Variants in PTPRD observed in about 807,000 individuals in gnomAD.
PTPRD encodes receptor-type tyrosine-protein phosphatase delta.
PTPRD carries 34 observed loss-of-function variants against 214.5 expected under a neutral mutation model. That is an observed-to-expected ratio of 0.16 (90% CI 0.12 to 0.21). The LOEUF is 0.21. Among genes scored for constraint, PTPRD ranks in the 10% least tolerant of loss-of-function variants. PTPRD has a pLI of 1.00. For synonymous variants in PTPRD, 1,128 were observed against 845.7 expected (o/e 1.33, Z -5.79); for missense variants, 2,545 against 2,398.7 (o/e 1.06, Z -1.27).
At chr9:8,675,928 C>T (rs1276891590) in intron 12 of PTPRD, among the ~76,000 whole-genome samples, 1 of 152,160 alleles carries the variant, frequency 6.6e-6, no homozygotes, top group African/African-American at 2.4e-5. Context: ...TGACATACTG[C>T]AATGTGCTCC....
At chr9:9,284,963 G>A (rs1948893393) in intron 9 of PTPRD, among the ~76,000 whole-genome samples, 1 of 151,736 alleles carries the variant, frequency 6.6e-6, no homozygotes, top group South Asian at 2.1e-4. Context: ...ACAATGTCAA[G>A]CTAACATAGA....
At chr9:9,935,980 G>T (rs1277437908) in intron 5 of PTPRD, among the ~76,000 whole-genome samples, 1 of 151,152 alleles carries the variant, frequency 6.6e-6, no homozygotes, top group African/African-American at 2.5e-5. Context: ...AATGGGGAAA[G>T]GATTCCCTAT....
chr9:10,604,321 T>C (rs2133493662), intron 2 of PTPRD, among the ~76,000 whole-genome samples: 1 of 151,976 alleles, frequency 6.6e-6, no homozygotes, highest in East Asian at 1.9e-4. Context: ...TCAGAATATC[T>C]CTCAGAATGC....
chr9:9,312,323 T>C (rs1240656823), intron 9 of PTPRD, among the ~76,000 whole-genome samples: 5 of 152,172 alleles, frequency 3.3e-5, no homozygotes, highest in Admixed American at 6.5e-5. Context: ...ACGCATAAGA[T>C]TAAGAAAATT....
intron 7 of PTPRD, among the ~76,000 whole-genome samples, chr9:9,614,708 A>T (rs2094747137): frequency 6.6e-6 from 1 of 152,200 alleles, no homozygotes; most frequent in African/African-American, 2.4e-5. Context: ...TTCATATTTA[A>T]ATTATGAACT....
At chr9:9,089,900 A>T (rs1386622169) in intron 10 of PTPRD, among the ~76,000 whole-genome samples, 1 of 152,128 alleles carries the variant, frequency 6.6e-6, no homozygotes, top group Non-Finnish European at 1.5e-5. Flanking sequence ...ATGAAAAGAG[A>T]CAAGTTTATT....
chr9:10,149,669 A>G (rs892766019), intron 3 of PTPRD, among the ~76,000 whole-genome samples: 2 of 151,896 alleles, frequency 1.3e-5, no homozygotes, highest in Non-Finnish European at 2.9e-5. Context: ...CTCATTATTG[A>G]TTATCTATAA....
chr9:9,966,018 A>G (rs2094670889), intron 4 of PTPRD, among the ~76,000 whole-genome samples: 2 of 152,110 alleles, frequency 1.3e-5, no homozygotes, highest in African/African-American at 2.4e-5. Context: ...TTTTTATATT[A>G]CTTATTTGAG....
At chr9:8,384,440 C>T (rs957466909) in intron 37 of PTPRD, among the ~76,000 whole-genome samples, 4 of 152,180 alleles carry the variant, frequency 2.6e-5, no homozygotes, top group Non-Finnish European at 4.4e-5. Context: ...TCATATTACA[C>T]AGTACATTCT....
At chr9:10,308,388 T>C (rs2096156124) in intron 3 of PTPRD, among the ~76,000 whole-genome samples, 1 of 152,072 alleles carries the variant, frequency 6.6e-6, no homozygotes, top group Admixed American at 6.6e-5. Context: ...ATAAATTTAA[T>C]TCTTGGTTAT....
In PTPRD at chr9:9,970,291, G is replaced by A. The variant is rs200159478; in HGVS notation, c.-471-31681C>T. ...CGGTGAAACCCCATCTCTACTAAAA[G>A]TACAAAACATTAGCCGGGCGTGGTG... On this transcript the variant is annotated intron_variant, in intron 4 of 45. Coordinates refer to ENST00000381196, the MANE Select transcript of PTPRD (RefSeq NM_002839.4). Among the ~76,000 whole-genome samples, 245 of 151,702 alleles carry A rather than the reference G, an allele frequency of 1.6e-3. 4 individuals are homozygous for A. The East Asian group carries it at 0.038, about 23-fold the overall frequency.
In PTPRD at chr9:10,054,515, C is replaced by T. The variant is rs138997975; in HGVS notation, c.-544-20725G>A. 2.7e-3 allele frequency among the ~76,000 whole-genome samples: 406 copies of T among 152,226 alleles called. 1 individual carries two copies. The highest frequency in any genetic ancestry group is 9.0e-3 in the African/African-American group (374 of 41,550). On this transcript the variant is annotated intron_variant, in intron 3 of 45. Transcript: ENST00000381196. The stretch of plus-strand genomic sequence containing the variant: ...TTCTTAGAGCACTTACTTTAGAAAA[C>T]TTGTAATTGTAAATCCTTTCCTGGA...
intron 2 of PTPRD, among the ~76,000 whole-genome samples, chr9:10,488,334 T>C (rs2099146572): frequency 7.5e-6 from 1 of 133,356 alleles, no homozygotes; most frequent in Admixed American, 8.7e-5. Context: ...ACCACTGCAC[T>C]CCAGCCTGGG....
At chr9:8,782,640 C>T (rs1422343277) in intron 11 of PTPRD, among the ~76,000 whole-genome samples, 6 of 148,954 alleles carry the variant, frequency 4.0e-5, no homozygotes, top group African/African-American at 1.0e-4. Flanking sequence ...CCCCGTTGCC[C>T]AGGCTGAAGT....
chr9:10,125,394 A>C (rs2098808558), intron 3 of PTPRD, among the ~76,000 whole-genome samples: 2 of 145,530 alleles, frequency 1.4e-5, no homozygotes, highest in African/African-American at 2.5e-5. Context: ...CTTCTTTTTT[A>C]TTTTTTATTT....
intron 8 of PTPRD, among the ~76,000 whole-genome samples, chr9:9,463,416 G>T (rs7870043): frequency 0.029 from 4,394 of 152,100 alleles, 195 homozygotes; most frequent in African/African-American, 0.099. Flanking sequence ...TTTGGAGAGA[G>T]CTCCAGAGAG....
chr9:9,675,278 GT>G lies in PTPRD; in HGVS notation c.-287+59254del, dbSNP rs1210549606. Among the ~76,000 whole-genome samples the G allele has an allele frequency of 3.3e-5, 5 of 151,862 alleles. No homozygotes were observed. In the East Asian group the frequency reaches 9.7e-4, roughly 29 times the overall value. On this transcript the variant is annotated intron_variant, in intron 7 of 45. Coordinates refer to ENST00000381196, the MANE Select transcript of PTPRD (RefSeq NM_002839.4). ...GTTTGTATCAAAATCTGTAGATGCAGTAAAAGGACTTTCAGAGTAATATATA... is the reference window on the plus strand; with the variant it reads ...GTTTGTATCAAAATCTGTAGATGCAGAAAAGGACTTTCAGAGTAATATATA...
At chr9:10,047,342 G>C (rs1429698945) in intron 3 of PTPRD, among the ~76,000 whole-genome samples, 1 of 150,448 alleles carries the variant, frequency 6.6e-6, no homozygotes, top group Non-Finnish European at 1.5e-5. Flanking sequence ...GTGTGTGCGT[G>C]TGTGTGTGTG....
chr9:8,681,851 C>A (rs2097556175), intron 12 of PTPRD, among the ~76,000 whole-genome samples: 1 of 152,196 alleles, frequency 6.6e-6, no homozygotes, highest in Admixed American at 6.5e-5. Context: ...CCCTTCCCCA[C>A]TTAAAATACA....
Sources: allele counts gnomAD v4.1 joint callset (sites outside exome capture counted in the v4.1 genomes callset), GRCh38; gene constraint gnomAD v4.1.1; transcripts MANE v1.5; gene names NCBI Gene and HGNC (gene_info 2026-07-23, HGNC 2026-07-21).